CRYBA4: variants seen among roughly 807,000 people sequenced by gnomAD.
CRYBA4 encodes beta-crystallin A4.
In CRYBA4, 30 loss-of-function variants were observed where a neutral mutation model predicts 31.7. The ratio of observed to expected loss-of-function variants is 0.95; its 90% confidence interval spans 0.71 to 1.28. The LOEUF (loss-of-function observed/expected upper bound fraction) is 1.28, where lower values mean the gene tolerates loss of function less well. Ranked by LOEUF, CRYBA4 falls within the 50% of genes most tolerant of loss-of-function variation. The pLI, the probability that CRYBA4 is intolerant of heterozygous loss-of-function variation, is 0.00. For missense variants in CRYBA4, 225 were observed against 260.7 expected (o/e 0.86, Z 0.94); for synonymous variants, 102 against 102.3 (o/e 1.00, Z 0.02).
At chr22:26,599,958 A>G in the CRYBA4 span, among the ~76,000 whole-genome samples, 6 of 152,236 alleles carry the variant, frequency 3.9e-5, no homozygotes, top group African/African-American at 1.4e-4. Context: ...TTTGCTAAGC[A>G]TGTTGCCTGT....
chr22:26,604,123 G>A, the CRYBA4 span, among the ~76,000 whole-genome samples: 1 of 145,698 alleles, frequency 6.9e-6, no homozygotes, highest in Non-Finnish European at 1.5e-5. Context: ...AAGAGCCAAA[G>A]AGATGAACAG....
At chr22:26,591,740 CA>C in the CRYBA4 span, among the ~76,000 whole-genome samples, 1,373 of 95,036 alleles carry the variant, frequency 0.014, 16 homozygotes, top group African/African-American at 0.047. Context: ...GACTCCGTCT[CA>C]AAAAAAAAAA....
upstream of CRYBA4, among the ~76,000 whole-genome samples, chr22:26,617,782 C>A (rs1929405062): frequency 6.6e-6 from 1 of 151,774 alleles, no homozygotes; most frequent in African/African-American, 2.4e-5. Context: ...ATTTACTTCT[C>A]TCTCTATTTC....
At chr22:26,590,587 C>T in the CRYBA4 span, among the ~76,000 whole-genome samples, 1 of 152,170 alleles carries the variant, frequency 6.6e-6, no homozygotes, top group African/African-American at 2.4e-5. Flanking sequence ...CTCCATTTAT[C>T]AGGGATTTTG....
At chr22:26,610,401 C>A in the CRYBA4 span, among the ~76,000 whole-genome samples, 2 of 152,170 alleles carry the variant, frequency 1.3e-5, no homozygotes. Flanking sequence ...GGACCACAGG[C>A]CCGTTTCCAT....
intron 3 of CRYBA4, 131 bp downstream of exon 3, chr22:26,623,483 G>A: frequency 1.4e-6 from 1 of 727,146 alleles, no homozygotes. Context: ...CTGAAGTACT[G>A]AGGAGTGTGC....
chr22:26,624,981 G>T (rs183363364), intron 3 of CRYBA4, among the ~76,000 whole-genome samples: 1 of 152,186 alleles, frequency 6.6e-6, no homozygotes, highest in South Asian at 2.1e-4. Context: ...ATGAGAGATG[G>T]CCATGCGGTC....
At chr22:26,597,493 G>A in the CRYBA4 span, among the ~76,000 whole-genome samples, 18 of 152,134 alleles carry the variant, frequency 1.2e-4, no homozygotes, top group African/African-American at 3.6e-4. Flanking sequence ...ATGGGGTAGC[G>A]GGGACACTGC....
At chr22:26,606,448 A>C in the CRYBA4 span, among the ~76,000 whole-genome samples, 1 of 152,248 alleles carries the variant, frequency 6.6e-6, no homozygotes, top group African/African-American at 2.4e-5. Flanking sequence ...CCAAAATTCA[A>C]GTGTCCAATG....
the CRYBA4 span, among the ~76,000 whole-genome samples, chr22:26,590,382 A>C: frequency 6.6e-6 from 1 of 152,162 alleles, no homozygotes; most frequent in Non-Finnish European, 1.5e-5. Context: ...TGTTTAAGAG[A>C]AGTTCCTTTC....
At chr22:26,621,910 G>C (rs1296417068), upstream of CRYBA4, 2 of 956,468 alleles carry the variant, frequency 2.1e-6, no homozygotes, top group Admixed American at 6.2e-5. Context: ...TCTCCCAGGG[G>C]CCCCTCTTCC....
At chr22:26,614,593 G>A in the CRYBA4 span, among the ~76,000 whole-genome samples, 1 of 152,110 alleles carries the variant, frequency 6.6e-6, no homozygotes, top group Non-Finnish European at 1.5e-5. Context: ...ATGAATGGCC[G>A]GCAGTCATGC....
chr22:26,610,588 G>A, the CRYBA4 span, among the ~76,000 whole-genome samples: 1 of 152,224 alleles, frequency 6.6e-6, no homozygotes, highest in South Asian at 2.1e-4. Context: ...CTGAGGCTGC[G>A]TTGACCACAC....
the CRYBA4 span, among the ~76,000 whole-genome samples, chr22:26,595,934 A>G: frequency 1.3e-4 from 20 of 149,236 alleles, no homozygotes; most frequent in African/African-American, 2.0e-4. Flanking sequence ...CACTGCACCC[A>G]GCTTATTTTT....
chr22:26,594,808 G>A, the CRYBA4 span, among the ~76,000 whole-genome samples: 5 of 152,316 alleles, frequency 3.3e-5, no homozygotes, highest in East Asian at 9.6e-4. Context: ...AGGCAACATA[G>A]CCCCTTGGAA....
rs79804759 is a variant in CRYBA4 at position 26,622,801 on chromosome 22, T to C, written c.39+166T>C. ...CACATACAGGGAGGTTGAATGTGAA[T>C]TTGGGTCTTCTGGTTCCCAAAGTTG... On this transcript the variant is annotated intron_variant, in intron 2 of 5. Coordinates refer to ENST00000354760, the MANE Select transcript of CRYBA4 (RefSeq NM_001886.3). Among the ~76,000 whole-genome samples, 6,819 of 152,222 alleles carry C rather than the reference T, an allele frequency of 0.045. 199 individuals are homozygous for C. The highest frequency in any genetic ancestry group is 0.094 in the East Asian group (484 of 5,172).
chr22:26,614,419 T>C, the CRYBA4 span, among the ~76,000 whole-genome samples: 1 of 152,048 alleles, frequency 6.6e-6, no homozygotes, highest in Non-Finnish European at 1.5e-5. Flanking sequence ...TTAGGAAAAA[T>C]AGAAAAGAAT....
chr22:26,627,524 C>CTTTCTTTCTT (rs1198741617), intron 4 of CRYBA4, among the ~76,000 whole-genome samples: 4 of 62,172 alleles, frequency 6.4e-5, no homozygotes, highest in African/African-American at 2.5e-4. Context: ...TTCTTTCTTT[C>CTTTCTTTCTT]TCTTTCTTTC....
chr22:26,594,116 T>C, the CRYBA4 span, among the ~76,000 whole-genome samples: 1 of 152,166 alleles, frequency 6.6e-6, no homozygotes, highest in African/African-American at 2.4e-5. Flanking sequence ...CAGGTTTTCT[T>C]CTCCTGCTGG....
Sources: gnomAD v4.1 joint callset for allele counts (sites outside exome capture counted in the v4.1 genomes callset) on GRCh38, gnomAD v4.1.1 for gene constraint, MANE v1.5 for transcripts, NCBI Gene and HGNC (gene_info 2026-07-23, HGNC 2026-07-21) for gene names.